C1QTNF3: variants seen among roughly 807,000 people sequenced by gnomAD.
C1QTNF3 encodes the protein complement C1q tumor necrosis factor-related protein 3.
Under a neutral mutation model 32.6 loss-of-function variants are expected in C1QTNF3, and 26 were observed. The observed-to-expected ratio is 0.80, with a 90% CI of 0.58 to 1.11. The LOEUF (loss-of-function observed/expected upper bound fraction) is 1.11. Ranked by LOEUF, C1QTNF3 falls within the 50% of genes least tolerant of loss-of-function variation. The probability of loss-of-function intolerance (pLI) is 0.00; values close to 1 mark genes in which losing one functional copy is unlikely to be tolerated. For missense variants in C1QTNF3, 362 were observed against 398.2 expected (o/e 0.91, Z 0.77); for synonymous variants, 155 against 146.0 (o/e 1.06, Z -0.44).
chr5:34,237,617 CA>C, the C1QTNF3 span, among the ~76,000 whole-genome samples: 1 of 151,850 alleles, frequency 6.6e-6, no homozygotes, highest in African/African-American at 2.4e-5. Context: ...TGAGAGATAC[CA>C]AATTATGGAG....
At chr5:34,084,986 CTTTTTTTTTT>C in the C1QTNF3 span, among the ~76,000 whole-genome samples, 1 of 69,934 alleles carries the variant, frequency 1.4e-5, no homozygotes, top group Admixed American at 1.9e-4. Context: ...ACGTTTAAGT[CTTTTTTTTTT>C]TTTTTTTTTT....
chr5:34,136,558 T>A, the C1QTNF3 span, among the ~76,000 whole-genome samples: 1 of 152,208 alleles, frequency 6.6e-6, no homozygotes, highest in Non-Finnish European at 1.5e-5. Context: ...GGTGGGAGTG[T>A]AAATTAGTTC....
At chr5:34,080,007 G>A in the C1QTNF3 span, among the ~76,000 whole-genome samples, 3 of 151,704 alleles carry the variant, frequency 2.0e-5, no homozygotes, top group Non-Finnish European at 4.4e-5. Context: ...GGCATAGATT[G>A]TGGAGATGGT....
At chr5:34,046,493 T>C (rs1754988378), upstream of C1QTNF3, among the ~76,000 whole-genome samples, 1 of 152,056 alleles carries the variant, frequency 6.6e-6, no homozygotes, top group Non-Finnish European at 1.5e-5. Context: ...AAAGCAGGGA[T>C]GAGGGTAATG....
intron 3 of C1QTNF3, 144 bp downstream of exon 3, chr5:34,033,160 C>A: frequency 1.2e-6 from 1 of 857,286 alleles, no homozygotes; most frequent in Non-Finnish European, 1.8e-6. Context: ...ATGCAAACAT[C>A]CTGTGATGTA....
the C1QTNF3 span, among the ~76,000 whole-genome samples, chr5:34,211,194 A>T: frequency 2.6e-5 from 4 of 151,666 alleles, no homozygotes; most frequent in South Asian, 2.1e-4. Context: ...TTTGAAATTT[A>T]AAAAAGTAAA....
chr5:34,203,058 G>A, the C1QTNF3 span, among the ~76,000 whole-genome samples: 3 of 152,060 alleles, frequency 2.0e-5, no homozygotes, highest in Non-Finnish European at 2.9e-5. Flanking sequence ...ACCACTAAAC[G>A]AGTCCTATGA....
chr5:34,185,657 T>C, the C1QTNF3 span, among the ~76,000 whole-genome samples: 1 of 152,388 alleles, frequency 6.6e-6, no homozygotes, highest in African/African-American at 2.4e-5. Flanking sequence ...GACTATTGTA[T>C]GAGAGCTGAA....
the C1QTNF3 span, chr5:34,158,507 C>G: frequency 6.6e-6 from 1 of 152,098 alleles, no homozygotes; most frequent in Non-Finnish European, 1.5e-5. Flanking sequence ...GAATTAGTGT[C>G]TATATTTCAG....
the C1QTNF3 span, among the ~76,000 whole-genome samples, chr5:34,159,478 C>A: frequency 6.6e-6 from 1 of 151,958 alleles, no homozygotes; most frequent in African/African-American, 2.4e-5. Flanking sequence ...TACTCATTAA[C>A]AAGGTTGTAC....
the C1QTNF3 span, among the ~76,000 whole-genome samples, chr5:34,135,670 A>AAAAAC: frequency 2.0e-5 from 3 of 149,972 alleles, no homozygotes; most frequent in African/African-American, 4.9e-5. Flanking sequence ...AATCCTAAGC[A>AAAAAC]AAAACAAAAC....
the C1QTNF3 span, among the ~76,000 whole-genome samples, chr5:34,241,577 T>C: frequency 6.6e-6 from 1 of 151,176 alleles, no homozygotes; most frequent in African/African-American, 2.4e-5. Flanking sequence ...CAAATACAAC[T>C]AACCTAAGAT....
chr5:34,020,765 A>G (rs1754305333), intron 5 of C1QTNF3, 23 bp from the exon 6 acceptor site: 1 of 1,604,708 alleles, frequency 6.2e-7, no homozygotes, highest in Non-Finnish European at 8.5e-7. Context: ...AGAGGAACAA[A>G]CTACTTAGTT....
chr5:34,135,381 A>T, the C1QTNF3 span, among the ~76,000 whole-genome samples: 69 of 150,152 alleles, frequency 4.6e-4, no homozygotes, highest in African/African-American at 1.7e-3. Context: ...AAATTCTCTT[A>T]TTTTTTTTTG....
At chr5:34,156,626 T>G in the C1QTNF3 span, among the ~76,000 whole-genome samples, 1 of 152,142 alleles carries the variant, frequency 6.6e-6, no homozygotes, top group Non-Finnish European at 1.5e-5. Context: ...ACAGTTAGAA[T>G]TTGTGAAATT....
rs138880196 is a variant in C1QTNF3, at chr5:34,034,502, C to T, written c.416-1044G>A. Among the ~76,000 whole-genome samples the T allele has an allele frequency of 5.3e-5, 8 of 152,342 alleles. No individual in the cohort carries two copies. In the East Asian group the frequency reaches 1.5e-3, roughly 29 times the overall value. On this transcript the variant is annotated intron_variant, in intron 2 of 5. Transcript: ENST00000382065. ...CTTTGCCAACAAGAGACAATTTCTA[C>T]ACCTCTTCTTTATTTTTAATATTTG...
chr5:34,059,924 G>A, the C1QTNF3 span, among the ~76,000 whole-genome samples: 1 of 152,160 alleles, frequency 6.6e-6, no homozygotes, highest in Non-Finnish European at 1.5e-5. Context: ...CCACTGCTCT[G>A]GGCTCAGGTC....
rs201714227 is a variant in C1QTNF3, at chr5:34,018,026, G to C, written c.*2557C>G. Among the ~76,000 whole-genome samples the C allele has an allele frequency of 3.3e-5, 5 of 151,658 alleles. No individual in the cohort carries two copies. In the East Asian group the frequency reaches 9.7e-4, roughly 29 times the overall value. On this transcript the variant is annotated 3_prime_UTR_variant, in exon 6 of 6. Coordinates refer to ENST00000382065, the MANE Select transcript of C1QTNF3 (RefSeq NM_181435.6). Reference sequence around the variant, plus strand: ...TAGCATTTGAGAGTGTTCTTAATATGTTTAGTCCAACCCATTAGAGCAAGA... The same window carrying C: ...TAGCATTTGAGAGTGTTCTTAATATCTTTAGTCCAACCCATTAGAGCAAGA...
At chr5:34,240,119 T>G in the C1QTNF3 span, among the ~76,000 whole-genome samples, 1 of 151,182 alleles carries the variant, frequency 6.6e-6, no homozygotes, top group African/African-American at 2.4e-5. Context: ...CCAAAATCTC[T>G]GGGATGCAGC....
Sources: allele counts gnomAD v4.1 joint callset (sites outside exome capture counted in the v4.1 genomes callset), GRCh38; gene constraint gnomAD v4.1.1; transcripts MANE v1.5; gene names NCBI Gene and HGNC (gene_info 2026-07-23, HGNC 2026-07-21).